The following FBXW7 variants were observed in gnomAD, a reference collection of about 807,000 sequenced individuals.
FBXW7 encodes the protein F-box and WD repeat domain containing 7.
In FBXW7, 11 loss-of-function variants were observed where a neutral mutation model predicts 86.3. The observed-to-expected ratio is 0.13, with a 90% CI of 0.08 to 0.21. The LOEUF (loss-of-function observed/expected upper bound fraction) is 0.21. Ranked by LOEUF, FBXW7 falls within the 10% of genes least tolerant of loss-of-function variation. FBXW7 has a pLI of 1.00. For missense variants in FBXW7, 488 were observed against 847.4 expected (o/e 0.58, Z 5.27); for synonymous variants, 313 against 297.9 (o/e 1.05, Z -0.52).
intron 2 of FBXW7, among the ~76,000 whole-genome samples, chr4:152,482,065 A>G (rs1406940658): frequency 6.6e-6 from 1 of 152,208 alleles, no homozygotes; most frequent in East Asian, 1.9e-4. Flanking sequence ...ATCAAAGAAT[A>G]ATTGATGTAA....
At chr4:152,400,121 G>C (rs1736782875) in intron 4 of FBXW7, among the ~76,000 whole-genome samples, 2 of 152,192 alleles carry the variant, frequency 1.3e-5, no homozygotes, top group Non-Finnish European at 2.9e-5. Flanking sequence ...GAATGGAACA[G>C]AATAGAGAGA....
intron 2 of FBXW7, among the ~76,000 whole-genome samples, chr4:152,494,660 G>C (rs554397939): frequency 4.6e-5 from 7 of 152,156 alleles, no homozygotes; most frequent in Middle Eastern, 3.4e-3. Flanking sequence ...ATATTGGAGA[G>C]TCTATGTAAG....
intron 2 of FBXW7, among the ~76,000 whole-genome samples, chr4:152,492,733 G>A (rs1473859262): frequency 6.6e-6 from 1 of 152,082 alleles, no homozygotes; most frequent in Admixed American, 6.6e-5. Flanking sequence ...GGTATATTAC[G>A]CCTGGACCAA....
chr4:152,349,366 T>C (rs1262840922), intron 5 of FBXW7, among the ~76,000 whole-genome samples: 3 of 151,822 alleles, frequency 2.0e-5, no homozygotes, highest in African/African-American at 4.8e-5. Flanking sequence ...AAATACGACA[T>C]TCCAAGTGAC....
intron 2 of FBXW7, among the ~76,000 whole-genome samples, chr4:152,471,049 C>T (rs1466542744): frequency 2.0e-5 from 3 of 151,966 alleles, no homozygotes; most frequent in African/African-American, 7.2e-5. Flanking sequence ...TGTTGCCATA[C>T]TAGAAATTAT....
intron 4 of FBXW7, chr4:152,382,182 G>A: frequency 6.5e-7 from 1 of 1,548,150 alleles, no homozygotes; most frequent in Non-Finnish European, 8.7e-7. Context: ...AAATGTGTGA[G>A]ACTTACCCGT....
In FBXW7 at chr4:152,336,695, A is replaced by G. The variant is rs1730156341; in HGVS notation, c.861+1107T>C. Among the ~76,000 whole-genome samples, 14 of 152,060 alleles carry G rather than the reference A, an allele frequency of 9.2e-5. No individual in the cohort carries two copies. In the South Asian group the frequency reaches 2.9e-3, roughly 31 times the overall value. ...AAATAAAAATTTTCTTCTGGGCCAA[A>G]GTCATTTTTAAAAAGCACTCAGTAG... On this transcript the variant is annotated intron_variant, in intron 7 of 13. Coordinates refer to ENST00000281708, the MANE Select transcript of FBXW7 (RefSeq NM_001349798.2).
chr4:152,529,646 CAT>C (rs1174416186), intron 2 of FBXW7, among the ~76,000 whole-genome samples: 14 of 152,234 alleles, frequency 9.2e-5, no homozygotes, highest in African/African-American at 2.9e-4. Flanking sequence ...CTGAACAACA[CAT>C]GTGAGAAAGA....
chr4:152,342,395 G>C (rs908773738), intron 6 of FBXW7, among the ~76,000 whole-genome samples: 1 of 152,152 alleles, frequency 6.6e-6, no homozygotes, highest in Admixed American at 6.5e-5. Flanking sequence ...CCCAAATGCC[G>C]ATCAAGGACA....
intron 6 of FBXW7, among the ~76,000 whole-genome samples, chr4:152,341,539 G>T (rs1382605467): frequency 6.6e-6 from 1 of 152,134 alleles, no homozygotes; most frequent in East Asian, 1.9e-4. Flanking sequence ...CCCAAGTAGG[G>T]CCTAGCACAG....
chr4:152,522,132 T>C (rs143034787), intron 2 of FBXW7, among the ~76,000 whole-genome samples: 21 of 152,272 alleles, frequency 1.4e-4, no homozygotes, highest in African/African-American at 4.6e-4. Flanking sequence ...TTTCCCCCAA[T>C]AGATCATTCC....
chr4:152,526,704 T>C (rs1749545172), intron 2 of FBXW7, among the ~76,000 whole-genome samples: 1 of 152,216 alleles, frequency 6.6e-6, no homozygotes, highest in Non-Finnish European at 1.5e-5. Context: ...CTGAATTAGA[T>C]CCTGCTATTT....
chr4:152,535,998 A>AGCGGCGGCGGCGGCG lies in FBXW7; in HGVS notation c.-1099_-1085dup, dbSNP rs200183394. 1.3e-5 allele frequency: 3 copies of AGCGGCGGCGGCGGCG among 239,282 alleles called. No homozygotes were observed. The highest frequency in any genetic ancestry group is 9.0e-5 in the East Asian group (1 of 11,154). 14.8% of individuals were successfully genotyped at this position (239,282 alleles called of 1,614,324 possible). On this transcript the variant is annotated 5_prime_UTR_variant, in exon 1 of 14. Transcript: ENST00000281708. ...CGGATGCTCCTTCGCTCTCAGTCTC[A>AGCGGCGGCGGCGGCG]GCGGCGGCGGCGGCGGCAGCGGCAG...
intron 11 of FBXW7, among the ~76,000 whole-genome samples, chr4:152,326,885 A>T (rs982015899): frequency 6.6e-6 from 1 of 151,940 alleles, no homozygotes; most frequent in Non-Finnish European, 1.5e-5. Flanking sequence ...TAATGATTAG[A>T]TTTATAAATA....
intron 2 of FBXW7, among the ~76,000 whole-genome samples, chr4:152,480,150 A>G (rs1744753982): frequency 6.6e-6 from 1 of 152,150 alleles, no homozygotes; most frequent in Non-Finnish European, 1.5e-5. Context: ...GGGCAAGTCT[A>G]TTTGGTGCAA....
chr4:152,399,633 A>G (rs982786317), intron 4 of FBXW7, among the ~76,000 whole-genome samples: 4 of 152,226 alleles, frequency 2.6e-5, no homozygotes, highest in Admixed American at 2.0e-4. Flanking sequence ...TTAATATATA[A>G]TAAGTCAATT....
intron 4 of FBXW7, among the ~76,000 whole-genome samples, chr4:152,357,609 C>T (rs1732517230): frequency 6.6e-6 from 1 of 152,126 alleles, no homozygotes; most frequent in Non-Finnish European, 1.5e-5. Context: ...GGGTAAGCCA[C>T]CGTGCCTGGC....
chr4:152,450,064 C>T (rs990067998), intron 2 of FBXW7, among the ~76,000 whole-genome samples: 2 of 152,178 alleles, frequency 1.3e-5, no homozygotes, highest in Non-Finnish European at 2.9e-5. Flanking sequence ...GTAACATGCT[C>T]AATTTCTTCC....
intron 7 of FBXW7, among the ~76,000 whole-genome samples, chr4:152,334,032 C>A (rs930065353): frequency 1.3e-5 from 2 of 151,944 alleles, no homozygotes; most frequent in Non-Finnish European, 2.9e-5. Flanking sequence ...CCAGCCCGGG[C>A]GACAGACCAA....
Sources: allele counts gnomAD v4.1 joint callset (sites outside exome capture counted in the v4.1 genomes callset), GRCh38; gene constraint gnomAD v4.1.1; transcripts MANE v1.5; gene names NCBI Gene and HGNC (gene_info 2026-07-23, HGNC 2026-07-21).